GCSAML: variants seen among roughly 807,000 people sequenced by gnomAD.
GCSAML encodes germinal center-associated signaling and motility-like protein.
A neutral mutation model predicts 13.0 loss-of-function variants in GCSAML; 9 were observed. The observed-to-expected ratio is 0.69, with a 90% CI of 0.42 to 1.21. The LOEUF is 1.21. Among genes scored for constraint, GCSAML ranks in the 50% most tolerant of loss-of-function variants. GCSAML has a pLI of 0.00. For missense variants in GCSAML, 143 were observed against 153.4 expected (o/e 0.93, Z 0.36); for synonymous variants, 37 against 52.9 (o/e 0.70, Z 1.31).
chr1:247,515,971 G>T (rs887196044), intron 1 of GCSAML, among the ~76,000 whole-genome samples: 1 of 152,194 alleles, frequency 6.6e-6, no homozygotes, highest in South Asian at 2.1e-4. Flanking sequence ...TGTTGGTTGA[G>T]GGGGGAGGAG....
intron 2 of GCSAML, among the ~76,000 whole-genome samples, chr1:247,543,190 G>T (rs1667464380): frequency 6.6e-6 from 1 of 152,156 alleles, no homozygotes; most frequent in South Asian, 2.1e-4. Flanking sequence ...TCTTTCAATT[G>T]GAAGCATAAG....
chr1:247,574,878 G>C lies in GCSAML; in HGVS notation c.*496G>C, dbSNP rs142242099. ...TGAAATAGACTGATTGTGGCAATAA[G>C]AGTCCCAATTCCAACCTGACTCTGG... is the stretch of plus-strand genomic sequence containing the variant. On this transcript the variant is annotated 3_prime_UTR_variant, in exon 5 of 5. Coordinates refer to ENST00000366488, the MANE Select transcript of GCSAML (RefSeq NM_145278.5). 6 of 163,698 alleles carry C rather than the reference G, an allele frequency of 3.7e-5. No individual in the cohort carries two copies. The East Asian group carries it at 1.0e-3, about 28-fold the overall frequency. The allele number at this position is 163,698 out of a possible 1,614,324, so 10.1% of individuals were successfully genotyped here. A position where few individuals can be genotyped will look rare whatever the true frequency, so the allele number is the denominator to read the frequency against.
upstream of GCSAML, chr1:247,549,091 T>C (rs1441179187): frequency 1.9e-6 from 3 of 1,611,686 alleles, no homozygotes; most frequent in Non-Finnish European, 2.5e-6. Context: ...CGTGGTCAGA[T>C]GCAACGTCCT....
intron 1 of GCSAML, among the ~76,000 whole-genome samples, chr1:247,549,606 A>G (rs1667697991): frequency 6.7e-6 from 1 of 150,142 alleles, no homozygotes; most frequent in South Asian, 2.1e-4. Context: ...TCATCTGGCA[A>G]CCCTACACAA....
At chr1:247,522,152 C>G (rs1337088795) in intron 1 of GCSAML, among the ~76,000 whole-genome samples, 1 of 151,982 alleles carries the variant, frequency 6.6e-6, no homozygotes, top group Non-Finnish European at 1.5e-5. Context: ...GGCAGCCGCC[C>G]CATCTGGAAA....
intron 1 of GCSAML, among the ~76,000 whole-genome samples, chr1:247,512,158 T>A (rs1666062531): frequency 6.6e-6 from 1 of 152,210 alleles, no homozygotes; most frequent in South Asian, 2.1e-4. Flanking sequence ...AAATGTAGGT[T>A]TGGTCTTTTT....
chr1:247,530,135 G>A (rs777964453), intron 2 of GCSAML: 4 of 151,994 alleles, frequency 2.6e-5, no homozygotes, highest in Non-Finnish European at 1.5e-5. Flanking sequence ...ATCCTAGTAC[G>A]AAAGGAAAGA....
At chr1:247,561,655 A>G (rs1486305096) in intron 2 of GCSAML, among the ~76,000 whole-genome samples, 1 of 152,228 alleles carries the variant, frequency 6.6e-6, no homozygotes, top group African/African-American at 2.4e-5. Flanking sequence ...ATTGTTAATA[A>G]CTATTAACAA....
intron 2 of GCSAML, among the ~76,000 whole-genome samples, chr1:247,560,413 C>G (rs188592996): frequency 7.9e-4 from 120 of 152,274 alleles, no homozygotes; most frequent in Non-Finnish European, 1.2e-3. Flanking sequence ...TCTTTCTCCT[C>G]ACAACTTAGT....
In GCSAML at chr1:247,574,558, G is replaced by A; in HGVS notation, c.*176G>A. On this transcript the variant is annotated 3_prime_UTR_variant, in exon 5 of 5. Coordinates refer to ENST00000366488, the MANE Select transcript of GCSAML (RefSeq NM_145278.5). ...TGATATGTGGCATCTCTGTGGCTTAGGTGAAATCATAGAAATTGACACAAT... is the reference window on the plus strand; with the variant it reads ...TGATATGTGGCATCTCTGTGGCTTAAGTGAAATCATAGAAATTGACACAAT... The A allele has an allele frequency of 1.6e-6, 1 of 631,666 alleles. No homozygotes were observed. The highest frequency in any genetic ancestry group is 2.4e-5 in the South Asian group (1 of 41,078). The allele number at this position is 631,666 out of a possible 1,614,324, so 39.1% of individuals were successfully genotyped here.
At chr1:247,557,717 C>T (rs1668002300) in intron 2 of GCSAML, among the ~76,000 whole-genome samples, 1 of 152,130 alleles carries the variant, frequency 6.6e-6, no homozygotes, top group Non-Finnish European at 1.5e-5. Flanking sequence ...GTTGGCTATG[C>T]CTATCTTGTG....
chr1:247,545,973 C>T (rs981107703), upstream of GCSAML, among the ~76,000 whole-genome samples: 2 of 151,584 alleles, frequency 1.3e-5, no homozygotes, highest in East Asian at 1.9e-4. Flanking sequence ...GAAAAAATCA[C>T]GAAGAGCTAC....
intron 3 of GCSAML, among the ~76,000 whole-genome samples, chr1:247,564,191 G>C (rs1176167): frequency 0.66 from 99,900 of 151,868 alleles, 33,243 homozygotes; most frequent in East Asian, 0.8. Flanking sequence ...CTCAGCCTCC[G>C]AAAGTGCTGG....
chr1:247,523,346 A>G (rs150912554), intron 1 of GCSAML, among the ~76,000 whole-genome samples: 272 of 152,362 alleles, frequency 1.8e-3, no homozygotes, highest in African/African-American at 6.4e-3. Context: ...TTACTGTGCT[A>G]GTCATTATAT....
chr1:247,558,995 C>T (rs1351734990), intron 2 of GCSAML, among the ~76,000 whole-genome samples: 1 of 152,114 alleles, frequency 6.6e-6, no homozygotes, highest in Non-Finnish European at 1.5e-5. Context: ...AAGTTACTTA[C>T]ATTCTCTAAA....
upstream of GCSAML, among the ~76,000 whole-genome samples, chr1:247,548,243 C>T (rs1476189170): frequency 1.3e-5 from 2 of 152,210 alleles, no homozygotes; most frequent in East Asian, 1.9e-4. This position sits in a 1 kb window ranked among gnomAD's most constrained non-coding sequence, Gnocchi z 5.3. Flanking sequence ...CTGACAGCCA[C>T]GGCTCAGAGT....
chr1:247,538,478 C>T (rs1384757544), intron 2 of GCSAML, among the ~76,000 whole-genome samples: 1 of 152,162 alleles, frequency 6.6e-6, no homozygotes, highest in Non-Finnish European at 1.5e-5. Flanking sequence ...GCCCTACACC[C>T]ATTCATATGT....
chr1:247,562,694 G>T (rs1668175425), intron 2 of GCSAML, among the ~76,000 whole-genome samples: 1 of 152,088 alleles, frequency 6.6e-6, no homozygotes, highest in South Asian at 2.1e-4. Context: ...TTAGGAGTCT[G>T]ACTGACAGAG....
chr1:247,568,358 G>A (rs1034168121), intron 4 of GCSAML, among the ~76,000 whole-genome samples: 2 of 152,160 alleles, frequency 1.3e-5, no homozygotes, highest in Non-Finnish European at 1.5e-5. Context: ...TGTATAAGGT[G>A]TAAGGAAGGG....
Sources: gnomAD v4.1 joint callset for allele counts (sites outside exome capture counted in the v4.1 genomes callset) on GRCh38, gnomAD v4.1.1 for gene constraint, Gnocchi (gnomAD v3.1) non-coding constraint, MANE v1.5 for transcripts, NCBI Gene and HGNC (gene_info 2026-07-23, HGNC 2026-07-21) for gene names.